The following RORA variants were observed in gnomAD, a reference collection of about 807,000 sequenced individuals.
RORA encodes RAR related orphan receptor A.
A neutral mutation model predicts 69.5 loss-of-function variants in RORA; 7 were observed. The ratio of observed to expected loss-of-function variants is 0.10; its 90% CI spans 0.06 to 0.19. The LOEUF is 0.19. RORA is among the 10% of genes least tolerant of loss of function. RORA has a pLI of 1.00. For missense variants in RORA, 457 were observed against 663.0 expected, an observed-to-expected ratio of 0.69 and a Z score of 3.41; for synonymous variants, 261 against 240.8, an observed-to-expected ratio of 1.08 and a Z score of -0.78.
At chr15:60,653,128 A>AT (rs973412936) in intron 2 of RORA, among the ~76,000 whole-genome samples, 57 of 152,156 alleles carry the variant, frequency 3.7e-4, no homozygotes, top group Non-Finnish European at 4.0e-4. Context: ...TTTGAAAGTG[A>AT]TTTTTTTAGC....
At chr15:60,844,245 A>G (rs2073236741) in intron 1 of RORA, among the ~76,000 whole-genome samples, 1 of 152,178 alleles carries the variant, frequency 6.6e-6, no homozygotes, top group Non-Finnish European at 1.5e-5. Context: ...TCTCTCAAGG[A>G]CAGTGACTCA....
At chr15:60,727,994 C>A (rs1368858046) in intron 1 of RORA, among the ~76,000 whole-genome samples, 1 of 152,208 alleles carries the variant, frequency 6.6e-6, no homozygotes, top group Non-Finnish European at 1.5e-5. Flanking sequence ...GCTACATCCC[C>A]ACTTTAACTC....
intron 1 of RORA, among the ~76,000 whole-genome samples, chr15:60,981,777 C>G (rs1359680433): frequency 6.6e-6 from 1 of 151,062 alleles, no homozygotes; most frequent in Non-Finnish European, 1.5e-5. Context: ...AAGTCTTTGT[C>G]TAGTAATGAA....
chr15:60,551,340 C>T (rs2067222430), intron 2 of RORA, among the ~76,000 whole-genome samples: 1 of 151,968 alleles, frequency 6.6e-6, no homozygotes, highest in Non-Finnish European at 1.5e-5. Flanking sequence ...CGGTCAGTTT[C>T]ACAAGTAAGT....
At chr15:61,161,807 C>T (rs1301936856) in intron 1 of RORA, among the ~76,000 whole-genome samples, 3 of 152,040 alleles carry the variant, frequency 2.0e-5, no homozygotes, top group East Asian at 1.9e-4. Flanking sequence ...ATCTTCCCCC[C>T]GTGAAGGCCA....
intron 1 of RORA, among the ~76,000 whole-genome samples, chr15:61,055,326 C>A (rs2078080404): frequency 6.6e-6 from 1 of 152,208 alleles, no homozygotes; most frequent in African/African-American, 2.4e-5. Context: ...TTTCACCACT[C>A]TTCATCGCAG....
intron 1 of RORA, among the ~76,000 whole-genome samples, chr15:60,948,457 A>C (rs1291311425): frequency 6.6e-6 from 1 of 152,226 alleles, no homozygotes; most frequent in Non-Finnish European, 1.5e-5. Flanking sequence ...TTCCTCAGTC[A>C]CTCAACAAAT....
Position 60,613,267 on chromosome 15 carries a change from C to A in RORA, c.196+65390G>T, listed in dbSNP as rs182898. Among the ~76,000 whole-genome samples the A allele has an allele frequency of 2.3e-3, 353 of 152,222 alleles. 1 individual carries two copies. The highest frequency in any genetic ancestry group is 8.1e-3 in the African/African-American group (338 of 41,532). ...CGTATCTCTGTGTGCCTGTAATATA[C>A]AGGGGCGTCACTTGACCATAAAACC... On this transcript the variant is annotated intron_variant, in intron 2 of 10. Coordinates refer to ENST00000335670, the MANE Select transcript of RORA (RefSeq NM_134261.3).
At chr15:60,860,661 T>C (rs532186023) in intron 1 of RORA, among the ~76,000 whole-genome samples, 16 of 152,212 alleles carry the variant, frequency 1.1e-4, no homozygotes, top group Admixed American at 2.0e-4. Flanking sequence ...TTCGCTAAAT[T>C]CCCTTAATTG....
At chr15:61,015,168 C>T (rs966027590) in intron 1 of RORA, among the ~76,000 whole-genome samples, 5 of 152,112 alleles carry the variant, frequency 3.3e-5, no homozygotes, top group African/African-American at 1.2e-4. Flanking sequence ...ATGAACTTGC[C>T]ATGCACAGGT....
At chr15:61,051,689 A>G (rs537783192) in intron 1 of RORA, among the ~76,000 whole-genome samples, 1 of 152,284 alleles carries the variant, frequency 6.6e-6, no homozygotes, top group South Asian at 2.1e-4. Flanking sequence ...AGAGAGTGGG[A>G]GAGGCTTCGG....
chr15:60,989,721 T>C (rs766186508), intron 1 of RORA, among the ~76,000 whole-genome samples: 3 of 152,174 alleles, frequency 2.0e-5, no homozygotes, highest in Non-Finnish European at 4.4e-5. Context: ...TTTGTTTTTA[T>C]AAGAAAAGTA....
At chr15:60,617,667 G>C (rs1057190180) in intron 2 of RORA, among the ~76,000 whole-genome samples, 16 of 149,498 alleles carry the variant, frequency 1.1e-4, no homozygotes, top group African/African-American at 2.7e-4. Flanking sequence ...GACAGAGAGA[G>C]AGAGAGAGAG....
At chr15:61,126,119 G>C (rs2079140512) in intron 1 of RORA, among the ~76,000 whole-genome samples, 1 of 152,198 alleles carries the variant, frequency 6.6e-6, no homozygotes, top group African/African-American at 2.4e-5. Context: ...AACCAGGCTT[G>C]GCTAACATAA....
At position 60,491,357 on chromosome 15, in the gene RORA, C is replaced by T. The variant is rs985096919; in HGVS notation, c.*6098G>A. ...AATAGCAAGCTATCTTTCATTAGTT[C>T]TTAGAAGGATGAAAGTAAAAGAAGT... On this transcript the variant is annotated 3_prime_UTR_variant, in exon 11 of 11. Transcript: ENST00000335670. 1 of 152,052 alleles carries T rather than the reference C, an allele frequency of 6.6e-6. No individual in the cohort carries two copies. Among genetic ancestry groups the T allele is most frequent in the Non-Finnish European group, 1.5e-5 (1 of 67,998 alleles). The allele number at this position is 152,052 out of a possible 1,614,324, so 9.4% of individuals were successfully genotyped here. A position where few individuals can be genotyped will look rare whatever the true frequency, so the allele number is the denominator to read the frequency against.
At chr15:60,882,057 G>A (rs533296714) in intron 1 of RORA, among the ~76,000 whole-genome samples, 15 of 152,262 alleles carry the variant, frequency 9.9e-5, no homozygotes, top group Non-Finnish European at 1.5e-4. Flanking sequence ...TATGCTGCCC[G>A]TGCTAGTTAA....
At chr15:60,899,101 G>A (rs545282992) in intron 1 of RORA, among the ~76,000 whole-genome samples, 7 of 152,184 alleles carry the variant, frequency 4.6e-5, no homozygotes, top group Non-Finnish European at 8.8e-5. Flanking sequence ...GGGGTTGTTC[G>A]CAATGCAACA....
intron 3 of RORA, among the ~76,000 whole-genome samples, chr15:60,523,713 T>A (rs2066255048): frequency 6.6e-6 from 1 of 152,170 alleles, no homozygotes; most frequent in South Asian, 2.1e-4. Context: ...TCTCTGTCAC[T>A]CAGGCTGGAG....
intron 1 of RORA, among the ~76,000 whole-genome samples, chr15:60,899,394 T>C (rs1462809524): frequency 6.6e-6 from 1 of 152,196 alleles, no homozygotes; most frequent in African/African-American, 2.4e-5. Flanking sequence ...TTGAAATGCA[T>C]AGATGTGGAT....
Sources: gnomAD v4.1 joint callset for allele counts (sites outside exome capture counted in the v4.1 genomes callset) on GRCh38, gnomAD v4.1.1 for gene constraint, MANE v1.5 for transcripts, NCBI Gene and HGNC (gene_info 2026-07-23, HGNC 2026-07-21) for gene names.